IQCJ: variants seen among roughly 807,000 people sequenced by gnomAD.
The protein encoded by IQCJ is IQ domain-containing protein J.
Under a neutral mutation model 11.0 loss-of-function variants are expected in IQCJ, and 9 were observed. The ratio of observed to expected loss-of-function variants is 0.82; its 90% CI spans 0.49 to 1.43. The LOEUF (loss-of-function observed/expected upper bound fraction) is 1.43. Among genes scored for constraint, IQCJ ranks in the 40% most tolerant of loss-of-function variants. IQCJ has a pLI of 0.00. For synonymous variants in IQCJ, 55 were observed against 51.3 expected (o/e 1.07, Z -0.31); for missense variants, 146 against 133.2 (o/e 1.10, Z -0.47).
intron 1 of IQCJ, among the ~76,000 whole-genome samples, chr3:159,116,650 A>ATATATATG (rs1187479665): frequency 2.6e-5 from 1 of 37,766 alleles, no homozygotes; most frequent in Non-Finnish European, 4.8e-5. Context: ...ATATATATAT[A>ATATATATG]TATATATATA....
chr3:159,202,827 A>G (rs555097415), intron 1 of IQCJ, among the ~76,000 whole-genome samples: 13 of 152,126 alleles, frequency 8.5e-5, no homozygotes, highest in African/African-American at 2.7e-4. Context: ...TTTAAATACC[A>G]AATCACTACT....
intron 1 of IQCJ, among the ~76,000 whole-genome samples, chr3:159,226,365 C>T (rs1466953491): frequency 6.6e-6 from 1 of 152,096 alleles, no homozygotes; most frequent in East Asian, 1.9e-4. Flanking sequence ...GTGAAGATTC[C>T]AAGGGTCTTA....
chr3:159,237,001 C>T (rs1002534768), intron 1 of IQCJ, among the ~76,000 whole-genome samples: 4 of 152,118 alleles, frequency 2.6e-5, no homozygotes, highest in Non-Finnish European at 5.9e-5. Context: ...GACACAAAAA[C>T]CTGATTTATG....
intron 1 of IQCJ, among the ~76,000 whole-genome samples, chr3:159,182,298 T>G (rs975616981): frequency 1.3e-5 from 2 of 151,948 alleles, no homozygotes; most frequent in African/African-American, 2.4e-5. Flanking sequence ...TAGAAGTGAT[T>G]TGTTTTCAAG....
intron 1 of IQCJ, among the ~76,000 whole-genome samples, chr3:159,088,115 T>G (rs182411433): frequency 0.34 from 52,296 of 151,974 alleles, 10,347 homozygotes; most frequent in Non-Finnish European, 0.46. Context: ...TCTGGTATGT[T>G]GTGTCTTTGT....
chr3:159,146,629 C>G (rs1392949), intron 1 of IQCJ, among the ~76,000 whole-genome samples: 3 of 151,980 alleles, frequency 2.0e-5, no homozygotes, highest in African/African-American at 7.2e-5. Flanking sequence ...CTTCCAGGAA[C>G]CTTAGATTTC....
intron 1 of IQCJ, among the ~76,000 whole-genome samples, chr3:159,156,640 A>C (rs1034399532): frequency 6.6e-6 from 1 of 152,202 alleles, no homozygotes; most frequent in African/African-American, 2.4e-5. Flanking sequence ...TTCAACACTA[A>C]GGCATTTCTG....
chr3:159,111,608 C>G (rs1718636607), intron 1 of IQCJ, among the ~76,000 whole-genome samples: 1 of 152,146 alleles, frequency 6.6e-6, no homozygotes, highest in Non-Finnish European at 1.5e-5. Context: ...ATGATCACAA[C>G]TTCCTATTCT....
At chr3:159,125,178 T>C (rs933088853) in intron 1 of IQCJ, among the ~76,000 whole-genome samples, 1 of 152,132 alleles carries the variant, frequency 6.6e-6, no homozygotes, top group Non-Finnish European at 1.5e-5. Context: ...ATGATGAAAA[T>C]GGTGTGTTAC....
chr3:159,263,073 A>ACC lies in IQCJ; in HGVS notation c.*342_*343insCC. The ACC allele has an allele frequency of 1.0e-6, 1 of 999,288 alleles. No homozygotes were observed. Among genetic ancestry groups the ACC allele is most frequent in the Admixed American group, 5.6e-5 (1 of 17,934 alleles). 61.9% of individuals were successfully genotyped at this position (999,288 alleles called of 1,614,324 possible). On this transcript the variant is annotated 3_prime_UTR_variant, in exon 4 of 4. Transcript: ENST00000397832. Reference sequence around the variant, plus strand: ...AAGGAGTAGAAAGAGAACTTTTACCAGAAGAATTGAAAGTGGTCACACACT... The same window carrying ACC: ...AAGGAGTAGAAAGAGAACTTTTACCACCGAAGAATTGAAAGTGGTCACACACT...
At chr3:159,140,340 T>C (rs1162048615) in intron 1 of IQCJ, among the ~76,000 whole-genome samples, 1 of 152,188 alleles carries the variant, frequency 6.6e-6, no homozygotes, top group Non-Finnish European at 1.5e-5. Context: ...CCTTGTGACT[T>C]CAGCTGCCCC....
At chr3:159,159,983 ACTT>A (rs2108217097) in intron 1 of IQCJ, among the ~76,000 whole-genome samples, 1 of 152,260 alleles carries the variant, frequency 6.6e-6, no homozygotes, top group Admixed American at 6.5e-5. Flanking sequence ...AGCCAAATAA[ACTT>A]CTTTTCATTA....
chr3:159,198,259 C>T (rs533831259), intron 1 of IQCJ, among the ~76,000 whole-genome samples: 5 of 152,006 alleles, frequency 3.3e-5, no homozygotes, highest in Non-Finnish European at 7.4e-5. Context: ...ACCACCATTT[C>T]CTTGCAGAGG....
intron 1 of IQCJ, among the ~76,000 whole-genome samples, chr3:159,154,577 GCCCAC>G (rs1261775855): frequency 6.6e-6 from 1 of 152,046 alleles, no homozygotes; most frequent in Non-Finnish European, 1.5e-5. Flanking sequence ...TTCTCCTCAT[GCCCAC>G]CCTTGGCTTC....
intron 1 of IQCJ, among the ~76,000 whole-genome samples, chr3:159,157,197 C>T (rs754341637): frequency 1.7e-4 from 26 of 152,110 alleles, no homozygotes; most frequent in Admixed American, 5.9e-4. Context: ...GGGTTGTTGT[C>T]CAGGGAAGCT....
At chr3:159,156,299 G>A (rs1721517761) in intron 1 of IQCJ, among the ~76,000 whole-genome samples, 1 of 152,198 alleles carries the variant, frequency 6.6e-6, no homozygotes, top group South Asian at 2.1e-4. Flanking sequence ...AATACAGTGT[G>A]AAGAAGCAAG....
At chr3:159,142,188 C>T (rs1720641282) in intron 1 of IQCJ, among the ~76,000 whole-genome samples, 1 of 152,116 alleles carries the variant, frequency 6.6e-6, no homozygotes. Context: ...GTTTTTTAGT[C>T]TGCAGTCACA....
chr3:159,165,856 C>G (rs1722137607), intron 1 of IQCJ, among the ~76,000 whole-genome samples: 1 of 141,332 alleles, frequency 7.1e-6, no homozygotes, highest in African/African-American at 2.7e-5. Context: ...GTCTCCATCT[C>G]TTGACCTCGT....
intron 1 of IQCJ, among the ~76,000 whole-genome samples, chr3:159,137,092 T>C (rs1439875676): frequency 6.6e-6 from 1 of 151,956 alleles, no homozygotes; most frequent in Non-Finnish European, 1.5e-5. Context: ...TGAAACCCCA[T>C]CTCTACTAAA....
Sources: allele counts gnomAD v4.1 joint callset (sites outside exome capture counted in the v4.1 genomes callset), GRCh38; gene constraint gnomAD v4.1.1; transcripts MANE v1.5; gene names NCBI Gene and HGNC (gene_info 2026-07-23, HGNC 2026-07-21).